Variants in LRP6 observed in about 807,000 individuals in gnomAD.
LRP6 encodes the protein low-density lipoprotein receptor-related protein 6.
LRP6 carries 43 observed loss-of-function variants against 184.1 expected under a neutral mutation model. The observed-to-expected ratio is 0.23, with a 90% confidence interval of 0.18 to 0.30. The LOEUF is 0.30. LRP6 is among the 10% of genes least tolerant of loss of function. LRP6 has a pLI of 1.00. For synonymous variants in LRP6, 719 were observed against 684.9 expected (o/e 1.05, Z -0.78); for missense variants, 1,571 against 2,005.3 (o/e 0.78, Z 4.14).
intron 2 of LRP6, among the ~76,000 whole-genome samples, chr12:12,218,822 C>T (rs1182319805): frequency 6.6e-6 from 1 of 152,012 alleles, no homozygotes; most frequent in African/African-American, 2.4e-5. Flanking sequence ...GAGCAATACC[C>T]CCATCTCTTT....
Position 12,181,390 on chromosome 12 carries a change from A to C in LRP6, c.1026T>G (p.Ile342Met), listed in dbSNP as rs1403746057. ...CTGTAAAATCTGGTGTATCCAAAGA[A>C]ATGCGTCTCAAGTCTGTCCTTCGAG... ...LLARRTDLRR[I>M]SLDTPDFTDI... Residue 342 changes from isoleucine (I) to methionine (M), a missense_variant, in exon 6 of 23, where the codon ATT (isoleucine) becomes ATG (methionine). Ile to Met is a conservative substitution (Grantham distance 10, BLOSUM62 1). Coordinates refer to ENST00000261349, the MANE Select transcript of LRP6 (RefSeq NM_002336.3). The C allele has an allele frequency of 6.6e-7, 1 of 1,518,726 alleles. No homozygotes were observed. The highest frequency in any genetic ancestry group is 9.1e-7 in the Non-Finnish European group (1 of 1,093,260). The allele number at this position is 1,518,726 out of a possible 1,614,324, so 94.1% of individuals were successfully genotyped here.
At chr12:12,205,129 G>A (rs1163862063) in intron 2 of LRP6, among the ~76,000 whole-genome samples, 6 of 151,426 alleles carry the variant, frequency 4.0e-5, no homozygotes, top group Non-Finnish European at 8.8e-5. Context: ...AGGAGTTCAA[G>A]ACCAGCCTGT....
chr12:12,124,489 T>C (rs1949646075), intron 22 of LRP6, 76 bp downstream of exon 22: 1 of 988,322 alleles, frequency 1.0e-6, no homozygotes. Flanking sequence ...TCTACTCATT[T>C]GGGGCTATAT....
chr12:12,130,740 A>C, intron 19 of LRP6, 43 bp downstream of exon 19: 1 of 1,281,084 alleles, frequency 7.8e-7, no homozygotes, highest in Non-Finnish European at 1.1e-6. Context: ...AAATTGTTTA[A>C]ATTCTCTGTT....
chr12:12,179,926 C>A lies in LRP6; in HGVS notation c.1429G>T (p.Asp477Tyr). Residue 477 changes from aspartate to tyrosine, a missense_variant, in exon 7 of 23, where the codon GAT (aspartate) becomes TAT (tyrosine). This residue lies in a region of LRP6 where 640 missense variants were observed against 851.9 expected (regional missense o/e 0.75). Transcript: ENST00000261349. ...ACCAATACTACACGGTCAGAACCAT[C>A]CAGAGCTGCTCGCTCAATTTTCGGA... ...EIPKIERAAL[D>Y]GSDRVVLVNT... 6.2e-7 allele frequency: 1 copy of A among 1,613,952 alleles called. No homozygotes were observed. The highest frequency in any genetic ancestry group is 8.5e-7 in the Non-Finnish European group (1 of 1,179,888).
intron 10 of LRP6, 52 bp from the exon 11 acceptor site, chr12:12,160,016 G>A (rs937107177): frequency 2.3e-6 from 3 of 1,327,178 alleles, no homozygotes; most frequent in Non-Finnish European, 3.2e-6. Flanking sequence ...TTATCTGGGG[G>A]AAAGAGTCAT....
chr12:12,150,458 C>G (rs1591888619), intron 13 of LRP6, among the ~76,000 whole-genome samples: 1 of 152,054 alleles, frequency 6.6e-6, no homozygotes, highest in Admixed American at 6.6e-5. Context: ...TTCTTTTCAG[C>G]TAAAAAAGTT....
In LRP6 at chr12:12,133,055, G is replaced by A. The variant is rs368060149; in HGVS notation, c.3734-998C>T. Among the ~76,000 whole-genome samples the A allele has an allele frequency of 1.3e-4, 19 of 151,988 alleles. No individual in the cohort carries two copies. The South Asian group carries it at 2.7e-3, about 22-fold the overall frequency. On this transcript the variant is annotated intron_variant, in intron 17 of 22. Transcript: ENST00000261349. Reference sequence around the variant, plus strand: ...GAACATTTTACATGGGGAATTTTAGGGATTATTTAATAAGAGCCTATTATG... The same window carrying A: ...GAACATTTTACATGGGGAATTTTAGAGATTATTTAATAAGAGCCTATTATG...
chr12:12,174,695 T>C (rs796278665), intron 7 of LRP6, among the ~76,000 whole-genome samples: 44 of 152,302 alleles, frequency 2.9e-4, no homozygotes, highest in African/African-American at 1.1e-3. Context: ...CTTATTAGGG[T>C]ATTGATGAAA....
rs531067942 is a variant in LRP6, at chr12:12,256,020, C to A, written c.55+10661G>T. 2.6e-5 allele frequency among the ~76,000 whole-genome samples: 4 copies of A among 152,278 alleles called. No homozygotes were observed. The South Asian group carries it at 8.3e-4, about 32-fold the overall frequency. On this transcript the variant is annotated intron_variant, in intron 1 of 22. Coordinates refer to ENST00000261349, the MANE Select transcript of LRP6 (RefSeq NM_002336.3). ...AGGCCCAGGTAAAATAAGGTACATA[C>A]AGAAAGTCCTGCACGTAAAATTACT...
intron 19 of LRP6, among the ~76,000 whole-genome samples, chr12:12,128,532 A>T (rs573366799): frequency 6.6e-6 from 1 of 152,188 alleles, no homozygotes; most frequent in African/African-American, 2.4e-5. Context: ...GGGATATTCC[A>T]TGAGTACCTC....
chr12:12,128,638 T>C (rs1701480054), intron 19 of LRP6, among the ~76,000 whole-genome samples: 1 of 152,192 alleles, frequency 6.6e-6, no homozygotes, highest in Non-Finnish European at 1.5e-5. Context: ...AGTCATCTAG[T>C]ATAAGATAAT....
intron 7 of LRP6, among the ~76,000 whole-genome samples, chr12:12,175,463 G>A (rs964184821): frequency 6.6e-5 from 10 of 151,556 alleles, no homozygotes; most frequent in African/African-American, 1.2e-4. Context: ...GCTGAGGCAC[G>A]CAGCTCCAGG....
chr12:12,164,919 TAAAAAAAAAAAAAAAAAAAAAAAAAAAA>T (rs58540250), intron 8 of LRP6, among the ~76,000 whole-genome samples, 132 bp downstream of exon 8: 1 of 57,076 alleles, frequency 1.8e-5, no homozygotes, highest in Non-Finnish European at 3.6e-5. Context: ...CCCTTCTCAG[TAAAAAAAAAAAAAAAAAAAAAAAAAAAA>T]AAAAAAAAGG....
chr12:12,243,455 T>C (rs555391981), intron 2 of LRP6, among the ~76,000 whole-genome samples: 1 of 152,334 alleles, frequency 6.6e-6, no homozygotes, highest in East Asian at 1.9e-4. Flanking sequence ...AGGTATAAGA[T>C]CTAGATTAGT....
At chr12:12,231,472 T>A (rs1313175451) in intron 2 of LRP6, among the ~76,000 whole-genome samples, 1 of 152,150 alleles carries the variant, frequency 6.6e-6, no homozygotes, top group Non-Finnish European at 1.5e-5. Flanking sequence ...TTCATAATCA[T>A]AAGACTGCCC....
chr12:12,202,542 A>C (rs756694895), intron 3 of LRP6, among the ~76,000 whole-genome samples: 1 of 152,196 alleles, frequency 6.6e-6, no homozygotes, highest in Non-Finnish European at 1.5e-5. Context: ...GACTCTGTCT[A>C]AAATAAATAC....
intron 2 of LRP6, among the ~76,000 whole-genome samples, chr12:12,241,022 TAGAG>T (rs1865051658): frequency 6.6e-6 from 1 of 152,206 alleles, no homozygotes; most frequent in Non-Finnish European, 1.5e-5. Context: ...AGGCCAAATT[TAGAG>T]AGAGGAATAA....
chr12:12,196,530 T>A (rs894463397), intron 3 of LRP6, among the ~76,000 whole-genome samples: 3 of 152,156 alleles, frequency 2.0e-5, no homozygotes, highest in Non-Finnish European at 2.9e-5. Context: ...ATGCTACTGA[T>A]CTTTTTGTGT....
Sources: gnomAD v4.1 joint callset for allele counts (sites outside exome capture counted in the v4.1 genomes callset) on GRCh38, gnomAD v4.1.1 for gene constraint, gnomAD v4.1.1 regional missense constraint, MANE v1.5 for transcripts, NCBI Gene and HGNC (gene_info 2026-07-23, HGNC 2026-07-21) for gene names.